The following AGL variants were observed in gnomAD, a reference collection of about 807,000 sequenced individuals.
AGL encodes amylo-alpha-1,6-glucosidase and 4-alpha-glucanotransferase.
AGL carries 128 observed loss-of-function variants against 199.3 expected under a neutral mutation model. The ratio of observed to expected loss-of-function variants is 0.64; its 90% CI spans 0.56 to 0.74. The LOEUF is 0.74. Ranked by LOEUF, AGL falls within the 30% of genes least tolerant of loss-of-function variation. The pLI is 0.00. For synonymous variants in AGL, 584 were observed against 594.7 expected (o/e 0.98, Z 0.26); for missense variants, 1,809 against 1,820.8 (o/e 0.99, Z 0.12).
At chr1:99,857,753 A>G (rs1302810119) in intron 2 of AGL, among the ~76,000 whole-genome samples, 1 of 50,208 alleles carries the variant, frequency 2.0e-5, no homozygotes, top group African/African-American at 6.8e-5. Context: ...GTGAGCCGAG[A>G]TGGCGGCAGT....
At chr1:99,865,980 TTA>T (rs1255692617) in intron 5 of AGL, among the ~76,000 whole-genome samples, 11 of 152,150 alleles carry the variant, frequency 7.2e-5, no homozygotes, top group African/African-American at 2.7e-4. Context: ...AAATTTGACA[TTA>T]TTAAGCCAGG....
chr1:99,863,953 T>A (rs1288359020), intron 4 of AGL, among the ~76,000 whole-genome samples: 1 of 152,134 alleles, frequency 6.6e-6, no homozygotes, highest in African/African-American at 2.4e-5. Flanking sequence ...CAATATTAAT[T>A]TTCTGCTTTT....
intron 23 of AGL, 83 bp from the exon 24 acceptor site, chr1:99,892,349 A>G (rs1652960428): frequency 8.0e-7 from 1 of 1,255,010 alleles, no homozygotes. Context: ...TAGAAAAATC[A>G]TTTGAAGGAA....
rs1212501960 is a variant in AGL, at chr1:99,899,898, G to T, written c.3363-738G>T. Among the ~76,000 whole-genome samples, 3 of 151,624 alleles carry T rather than the reference G, an allele frequency of 2.0e-5. No homozygotes were observed. In the South Asian group the frequency reaches 6.3e-4, roughly 32 times the overall value. ...GCCTCCCAAAGTGCTAGGATTACAG[G>T]CCTGAGCCACCACGCCCGGCCTTCT... is the stretch of plus-strand genomic sequence containing the variant. On this transcript the variant is annotated intron_variant, in intron 25 of 33. Coordinates refer to ENST00000361915, the MANE Select transcript of AGL (RefSeq NM_000642.3).
chr1:99,921,910 A>G lies in AGL; in HGVS notation c.*259A>G. ...GAATTATTCAAATGCCTAGAAATCC[A>G]TAGTTTGGAAAAGAAAAATCATGTC... On this transcript the variant is annotated 3_prime_UTR_variant, in exon 34 of 34. Coordinates refer to ENST00000361915, the MANE Select transcript of AGL (RefSeq NM_000642.3). 1 of 279,304 alleles carries G rather than the reference A, an allele frequency of 3.6e-6. No individual in the cohort carries two copies. Among genetic ancestry groups the G allele is most frequent in the Non-Finnish European group, 6.6e-6 (1 of 150,886 alleles). 17.3% of individuals were successfully genotyped at this position (279,304 alleles called of 1,614,324 possible). A position where few individuals can be genotyped will look rare whatever the true frequency, so the allele number is the denominator to read the frequency against.
intron 27 of AGL, among the ~76,000 whole-genome samples, chr1:99,908,300 G>A (rs1221417400): frequency 6.6e-6 from 1 of 152,016 alleles, no homozygotes; most frequent in Non-Finnish European, 1.5e-5. Context: ...AATGGTCTTG[G>A]CACCCTTGTC....
chr1:99,870,927 G>A (rs1349143840), intron 7 of AGL, 58 bp downstream of exon 7: 24 of 1,065,350 alleles, frequency 2.3e-5, no homozygotes, highest in Non-Finnish European at 3.3e-5. Context: ...TATTATAAAG[G>A]GAAAACTCTC....
At chr1:99,897,249 G>A (rs1653404685) in intron 25 of AGL, among the ~76,000 whole-genome samples, 1 of 152,184 alleles carries the variant, frequency 6.6e-6, no homozygotes, top group Admixed American at 6.5e-5. Flanking sequence ...GAGCTTGTTA[G>A]AAATGCAGAT....
At chr1:99,892,738 CATAG>C (rs1653005547) in intron 24 of AGL, 131 bp downstream of exon 24, 5 of 856,068 alleles carry the variant, frequency 5.8e-6, no homozygotes, top group Admixed American at 2.2e-5. Flanking sequence ...TAGTACATTT[CATAG>C]ATATTCACTC....
chr1:99,858,793 G>T (rs116073062), intron 2 of AGL, among the ~76,000 whole-genome samples: 1,650 of 151,256 alleles, frequency 0.011, 17 homozygotes, highest in Middle Eastern at 0.021. Flanking sequence ...AGAGCCAAAA[G>T]GTTTTTTCTA....
intron 20 of AGL, among the ~76,000 whole-genome samples, chr1:99,887,142 C>T (rs924625763): frequency 1.3e-5 from 2 of 151,972 alleles, no homozygotes; most frequent in Admixed American, 6.6e-5. Context: ...CTAAATTGAG[C>T]CAGAACTAAA....
chr1:99,904,374 A>C (rs1654089469), intron 27 of AGL, among the ~76,000 whole-genome samples: 1 of 152,194 alleles, frequency 6.6e-6, no homozygotes, highest in South Asian at 2.1e-4. Flanking sequence ...AGAAGTTGAA[A>C]AAATGATACA....
intron 2 of AGL, among the ~76,000 whole-genome samples, chr1:99,854,249 CTT>C (rs1183914986): frequency 6.6e-6 from 1 of 151,950 alleles, no homozygotes; most frequent in Non-Finnish European, 1.5e-5. Context: ...GCCTTACAAA[CTT>C]AGTGCAGTGT....
At position 99,888,025 on chromosome 1, in the gene AGL, G is replaced by A. The variant is rs369044372; in HGVS notation, c.2729G>A (p.Arg910Gln). ...GCTGAGCTAAATCAGATCCTTTACC[G>A]ATGTGAATCAGAAGAAAAGGAAGAT... ...TLAELNQILY[R>Q]CESEEKEDGG... Residue 910 changes from arginine to glutamine, a missense_variant, in exon 21 of 34, where the codon CGA (arginine) becomes CAA (glutamine). Transcript: ENST00000361915. 207 of 1,613,276 alleles carry A rather than the reference G, an allele frequency of 1.3e-4. No homozygotes were observed. The highest frequency in any genetic ancestry group is 1.6e-4 in the Non-Finnish European group (192 of 1,179,600).
chr1:99,874,663 G>A (rs1383643671), intron 7 of AGL, 24 bp from the exon 8 acceptor site: 3 of 1,598,632 alleles, frequency 1.9e-6, no homozygotes, highest in Admixed American at 1.7e-5. Context: ...TTGCATTTAA[G>A]GTATCGTCTT....
chr1:99,895,769 G>A (rs1330964598), intron 24 of AGL, among the ~76,000 whole-genome samples: 6 of 152,182 alleles, frequency 3.9e-5, no homozygotes, highest in Non-Finnish European at 7.3e-5. Flanking sequence ...GAGCTCAGGA[G>A]TTCAAGACCA....
intron 5 of AGL, among the ~76,000 whole-genome samples, chr1:99,867,146 G>A (rs974093785): frequency 6.6e-6 from 1 of 151,812 alleles, no homozygotes; most frequent in African/African-American, 2.4e-5. Context: ...GTATTATCTA[G>A]CAGAATTCAA....
intron 12 of AGL, among the ~76,000 whole-genome samples, chr1:99,878,497 A>G (rs1019901310): frequency 2.6e-5 from 4 of 152,236 alleles, no homozygotes; most frequent in East Asian, 1.9e-4. Flanking sequence ...GCTCTTTACA[A>G]TAACTTCTGA....
intron 29 of AGL, 127 bp downstream of exon 29, chr1:99,912,644 C>A (rs1314786787): frequency 6.8e-6 from 5 of 738,668 alleles, no homozygotes; most frequent in Non-Finnish European, 1.1e-5. Context: ...AAAGAAAATT[C>A]ATTAATTTAC....
Sources: gnomAD v4.1 joint callset for allele counts (sites outside exome capture counted in the v4.1 genomes callset) on GRCh38, gnomAD v4.1.1 for gene constraint, MANE v1.5 for transcripts, NCBI Gene and HGNC (gene_info 2026-07-23, HGNC 2026-07-21) for gene names.